Variants in HPS4 observed in about 807,000 individuals in gnomAD.
HPS4 encodes the protein HPS4 biogenesis of lysosomal organelles complex 3 subunit 2, also known as BLOC-3 complex member HPS4.
HPS4 carries 44 observed loss-of-function variants against 70.3 expected under a neutral mutation model. The ratio of observed to expected loss-of-function variants is 0.63; its 90% CI spans 0.49 to 0.80. The LOEUF is 0.80. Among genes scored for constraint, HPS4 ranks in the 30% least tolerant of loss-of-function variants. The pLI, the probability that HPS4 is intolerant of heterozygous loss-of-function variation, is 0.00. For missense variants in HPS4, 873 were observed against 884.4 expected (o/e 0.99, Z 0.16); for synonymous variants, 377 against 355.9 (o/e 1.06, Z -0.67).
At chr22:26,469,072 T>A (rs1417416769) in intron 7 of HPS4, among the ~76,000 whole-genome samples, 1 of 151,986 alleles carries the variant, frequency 6.6e-6, no homozygotes, top group Non-Finnish European at 1.5e-5. Flanking sequence ...AAAAGCAATA[T>A]ATGCATACAT....
chr22:26,446,571 T>A, downstream of HPS4, among the ~76,000 whole-genome samples: 1 of 152,150 alleles, frequency 6.6e-6, no homozygotes, highest in East Asian at 1.9e-4. Context: ...CCGGTCATGA[T>A]TCTAACGTGT....
At chr22:26,455,659 C>T (rs1443380304) in intron 13 of HPS4, among the ~76,000 whole-genome samples, 1 of 150,524 alleles carries the variant, frequency 6.6e-6, no homozygotes, top group Admixed American at 6.6e-5. Context: ...GTGCAGCACA[C>T]CAACATGGCA....
chr22:26,448,489 G>A (rs767288388), downstream of HPS4, among the ~76,000 whole-genome samples: 8 of 152,338 alleles, frequency 5.3e-5, no homozygotes, highest in East Asian at 1.9e-4. Context: ...CAGCACACTC[G>A]GTAGAGGACT....
At chr22:26,476,950 T>C (rs2090629377) in intron 4 of HPS4, 43 bp downstream of exon 4, 10 of 1,605,836 alleles carry the variant, frequency 6.2e-6, no homozygotes, top group Non-Finnish European at 8.5e-6. Context: ...TTCCTAAACT[T>C]ATCATTGCAA....
chr22:26,468,265 G>A (rs904887681), intron 8 of HPS4: 1 of 461,038 alleles, frequency 2.2e-6, no homozygotes, highest in Non-Finnish European at 4.0e-6. Context: ...ACATCTCTTT[G>A]ACATAAAGAG....
At chr22:26,460,357 C>G (rs547938531) in intron 11 of HPS4, among the ~76,000 whole-genome samples, 1 of 152,350 alleles carries the variant, frequency 6.6e-6, no homozygotes, top group South Asian at 2.1e-4. Context: ...TAACACTGAG[C>G]CTCTTATTTG....
In HPS4 at chr22:26,451,985, T is replaced by TACGC. The variant is rs1398187699; in HGVS notation, c.*1244_*1247dup. 1 of 53,522 alleles carries TACGC rather than the reference T, an allele frequency of 1.9e-5. No homozygotes were observed. The highest frequency in any genetic ancestry group is 3.4e-5 in the Non-Finnish European group (1 of 29,320). The allele number at this position is 53,522 out of a possible 1,614,324, so 3.3% of individuals were successfully genotyped here. A position where few individuals can be genotyped will look rare whatever the true frequency, so the allele number is the denominator to read the frequency against. The stretch of plus-strand genomic sequence containing the variant: ...AAGGAAAAGAGGGATGCGCCCACGT[T>TACGC]ACGCGCGCGCGCGCGCGCGCACACA... On this transcript the variant is annotated 3_prime_UTR_variant, in exon 14 of 14. Coordinates refer to ENST00000398145, the MANE Select transcript of HPS4 (RefSeq NM_022081.6).
rs1230780812 is a variant in HPS4 at position 26,464,025 on chromosome 22, G to A, written c.1605C>T (p.Cys535=). 7 of 1,614,148 alleles carry A rather than the reference G, an allele frequency of 4.3e-6. No homozygotes were observed. In the Admixed American group the frequency reaches 5.0e-5, roughly 12 times the overall value. ...AGAGATTCATCCTCACGAGCCCCAT[G>A]CAGGACTCTGCTGGTGTCAGCCTGG... is the stretch of plus-strand genomic sequence containing the variant. The part of the protein sequence containing the change: ...ISSRLTPAES[C]MGLVRMNLYT... Residue 535 remains cysteine, a synonymous_variant, in exon 11 of 14, where the codon TGC becomes TGT. Transcript: ENST00000398145.
At position 26,453,216 on chromosome 22, in the gene HPS4, C is replaced by A; in HGVS notation, c.*17G>T. On this transcript the variant is annotated 3_prime_UTR_variant, in exon 14 of 14. Coordinates refer to ENST00000398145, the MANE Select transcript of HPS4 (RefSeq NM_022081.6). ...CTTTGCTGGTTTTCTCCTTCCCAGT[C>A]ACCTCCTGGGTGCAGTTCAGAGCAA... is the stretch of plus-strand genomic sequence containing the variant. 6.2e-7 allele frequency: 1 copy of A among 1,613,150 alleles called. No homozygotes were observed. The highest frequency in any genetic ancestry group is 1.1e-5 in the South Asian group (1 of 91,030).
chr22:26,464,062 T>A lies in HPS4; in HGVS notation c.1568A>T (p.Asp523Val). 1 of 1,614,248 alleles carries A rather than the reference T, an allele frequency of 6.2e-7. No individual in the cohort carries two copies. Among genetic ancestry groups the A allele is most frequent in the Non-Finnish European group, 8.5e-7 (1 of 1,180,046 alleles). Residue 523 changes from aspartate (D) to valine (V), a missense_variant, in exon 11 of 14, where the codon GAT becomes GTT. By Grantham distance (152) the Asp-to-Val change is radical (BLOSUM62 -3). Coordinates refer to ENST00000398145, the MANE Select transcript of HPS4 (RefSeq NM_022081.6). The stretch of plus-strand genomic sequence containing the variant: ...TGGTGTCAGCCTGGAGCTGATTCCA[T>A]CTGCAGAGGGGCCAGCACCCTGACA... ...ANCQGAGPSA[D>V]GISSRLTPAE...
At chr22:26,460,651 C>G (rs913024580) in intron 11 of HPS4, among the ~76,000 whole-genome samples, 1 of 152,220 alleles carries the variant, frequency 6.6e-6, no homozygotes, top group Non-Finnish European at 1.5e-5. Flanking sequence ...CAGTTAATCA[C>G]AAGATGCTAT....
At chr22:26,463,508 G>A (rs1339542130) in intron 11 of HPS4, among the ~76,000 whole-genome samples, 3 of 152,198 alleles carry the variant, frequency 2.0e-5, no homozygotes, top group African/African-American at 4.8e-5. Flanking sequence ...GGAACAGGAA[G>A]GTCTACCACC....
At chr22:26,465,349 TG>T in intron 10 of HPS4, 105 bp downstream of exon 10, 1 of 797,030 alleles carries the variant, frequency 1.3e-6, no homozygotes, top group East Asian at 2.5e-5. Flanking sequence ...ATGGGGAAGA[TG>T]GAATTAAGGA....
intron 3 of HPS4, among the ~76,000 whole-genome samples, chr22:26,477,427 CAT>C (rs2090701108): frequency 6.6e-6 from 1 of 152,210 alleles, no homozygotes; most frequent in Non-Finnish European, 1.5e-5. Context: ...AGCAGGAACA[CAT>C]GCGATGACTG....
At chr22:26,466,291 G>A (rs370487165) in intron 8 of HPS4, 29 bp from the exon 9 acceptor site, 34 of 1,613,010 alleles carry the variant, frequency 2.1e-5, no homozygotes, top group African/African-American at 2.7e-5. Context: ...AGAAGTTGGC[G>A]CTGGGCACCA....
chr22:26,468,404 G>A lies in HPS4; in HGVS notation c.669+147C>T, dbSNP rs534345211. ...CCTCACCAATGGCTTCACTACTGAG[G>A]AGAATGACATTGGAGGACTTGGGGT... On this transcript the variant is annotated intron_variant, in intron 8 of 13. Transcript: ENST00000398145. 9 of 725,720 alleles carry A rather than the reference G, an allele frequency of 1.2e-5. No homozygotes were observed. In the African/African-American group the frequency reaches 1.4e-4, roughly 11 times the overall value. The allele number at this position is 725,720 out of a possible 1,614,324, so 45.0% of individuals were successfully genotyped here. A position where few individuals can be genotyped will look rare whatever the true frequency, so the allele number is the denominator to read the frequency against.
intron 13 of HPS4, among the ~76,000 whole-genome samples, chr22:26,455,590 G>T (rs2085959095): frequency 2.1e-5 from 2 of 96,116 alleles, no homozygotes; most frequent in Admixed American, 2.8e-4. Flanking sequence ...TGTAGGGTGG[G>T]GGGAGGGGGG....
chr22:26,455,714 T>C (rs1450364872), intron 13 of HPS4, among the ~76,000 whole-genome samples: 2 of 151,838 alleles, frequency 1.3e-5, no homozygotes, highest in Non-Finnish European at 2.9e-5. Context: ...ACAGCACATG[T>C]ACCCTAAAAC....
In HPS4 at chr22:26,464,543, G is replaced by A. The variant is rs1309284921; in HGVS notation, c.1087C>T (p.Leu363Phe). ...TCAGACAAGTCGAGTTCTTCTTGGA[G>A]AAAGACTAGTTCCTTCCCCAGGGAG... ...SSSLGKELVF[L>F]QEELDLSEIH... Residue 363 changes from leucine (L) to phenylalanine (F), a missense_variant, in exon 11 of 14, where the codon CTC (leucine) becomes TTC (phenylalanine). Transcript: ENST00000398145. The A allele has an allele frequency of 3.1e-6, 5 of 1,614,212 alleles. No homozygotes were observed. The South Asian group carries it at 5.5e-5, about 18-fold the overall frequency.
Sources: gnomAD v4.1 joint callset for allele counts (sites outside exome capture counted in the v4.1 genomes callset) on GRCh38, gnomAD v4.1.1 for gene constraint, MANE v1.5 for transcripts, NCBI Gene and HGNC (gene_info 2026-07-23, HGNC 2026-07-21) for gene names.